The following WDR27 variants were observed in gnomAD, a reference collection of about 807,000 sequenced individuals.
WDR27 encodes the protein WD repeat-containing protein 27.
In WDR27, 100 loss-of-function variants were observed where a neutral mutation model predicts 114.4. That is an observed-to-expected ratio of 0.87 (90% CI 0.74 to 1.03). WDR27 has a LOEUF of 1.03. Among genes scored for constraint, WDR27 ranks in the 50% least tolerant of loss-of-function variants. WDR27 has a pLI of 0.00. For synonymous variants in WDR27, 449 were observed against 423.1 expected (o/e 1.06, Z -0.75); for missense variants, 1,129 against 1,092.9 (o/e 1.03, Z -0.47).
At chr6:169,657,531 C>T (rs373667825) in intron 13 of WDR27, among the ~76,000 whole-genome samples, 4 of 152,140 alleles carry the variant, frequency 2.6e-5, no homozygotes, top group South Asian at 4.1e-4. Context: ...AGGTGAAAGG[C>T]GGCTGCGGAA....
chr6:169,444,575 G>A, the WDR27 span, among the ~76,000 whole-genome samples: 1 of 152,074 alleles, frequency 6.6e-6, no homozygotes, highest in Non-Finnish European at 1.5e-5. Context: ...TCCTTTACAA[G>A]CAACATCTCC....
intron 13 of WDR27, among the ~76,000 whole-genome samples, chr6:169,655,866 C>G (rs562344522): frequency 6.6e-6 from 1 of 152,268 alleles, no homozygotes; most frequent in South Asian, 2.1e-4. Flanking sequence ...ACTACAGGCG[C>G]CCGCCAACCA....
Position 169,664,155 on chromosome 6 carries a change from G to C in WDR27, c.904+11C>G. 3 of 1,576,158 alleles carry C rather than the reference G, an allele frequency of 1.9e-6. No individual in the cohort carries two copies. The highest frequency in any genetic ancestry group is 4.5e-5 in the East Asian group (2 of 44,238). On this transcript the variant is annotated intron_variant, in intron 8 of 25. Transcript: ENST00000448612. ...AAGTGGGAGGCCTGAGGGAGGGTCTGAGCAACCCACCTGGCTGGCTGCACA... is the reference window on the plus strand; with the variant it reads ...AAGTGGGAGGCCTGAGGGAGGGTCTCAGCAACCCACCTGGCTGGCTGCACA...
chr6:169,470,500 A>C (rs1327767785), intron 25 of WDR27, among the ~76,000 whole-genome samples: 1 of 152,204 alleles, frequency 6.6e-6, no homozygotes, highest in Non-Finnish European at 1.5e-5. Context: ...TGAAAAATAG[A>C]AATTATCATT....
chr6:169,451,208 T>C, the WDR27 span, among the ~76,000 whole-genome samples: 1 of 152,200 alleles, frequency 6.6e-6, no homozygotes, highest in Non-Finnish European at 1.5e-5. Context: ...AAATTGTGCA[T>C]TCGGTGAAAG....
chr6:169,518,500 G>C (rs1793965573), intron 25 of WDR27, among the ~76,000 whole-genome samples: 1 of 152,236 alleles, frequency 6.6e-6, no homozygotes, highest in Admixed American at 6.5e-5. Context: ...AACTGTACCT[G>C]GGGTCCTTTG....
chr6:169,624,410 G>A (rs1814251085), intron 21 of WDR27, among the ~76,000 whole-genome samples: 1 of 152,184 alleles, frequency 6.6e-6, no homozygotes, highest in African/African-American at 2.4e-5. Flanking sequence ...TCACCAGAGT[G>A]CAGCCCCTCA....
chr6:169,517,121 T>C (rs1397046616), intron 25 of WDR27, among the ~76,000 whole-genome samples: 1 of 152,096 alleles, frequency 6.6e-6, no homozygotes, highest in Non-Finnish European at 1.5e-5. Flanking sequence ...ATGCTGTCTT[T>C]GCAATGGTGA....
At chr6:169,700,161 C>A (rs1406176351) in intron 1 of WDR27, among the ~76,000 whole-genome samples, 1 of 152,216 alleles carries the variant, frequency 6.6e-6, no homozygotes, top group African/African-American at 2.4e-5. Flanking sequence ...TCATATTTAA[C>A]CACTGCATTT....
chr6:169,590,471 G>C lies in WDR27; in HGVS notation c.2425-7537C>G, dbSNP rs147031202. Reference sequence around the variant, plus strand: ...ATTCTCAGAAGACCAAAACGTGCAAGATTTAAAACAAAGTCACACTAAGAC... The same window carrying C: ...ATTCTCAGAAGACCAAAACGTGCAACATTTAAAACAAAGTCACACTAAGAC... On this transcript the variant is annotated intron_variant, in intron 23 of 25. Coordinates refer to ENST00000448612, the MANE Select transcript of WDR27 (RefSeq NM_182552.5). Among the ~76,000 whole-genome samples the C allele has an allele frequency of 4.8e-3, 735 of 152,312 alleles. 8 individuals are homozygous for C. The highest frequency in any genetic ancestry group is 0.017 in the African/African-American group (689 of 41,580).
At chr6:169,647,641 A>G (rs543143801) in intron 16 of WDR27, 132 bp downstream of exon 16, 1 of 853,062 alleles carries the variant, frequency 1.2e-6, no homozygotes, top group Non-Finnish European at 1.9e-6. Context: ...AAACCATGCC[A>G]TGCAACTTCA....
intron 25 of WDR27, among the ~76,000 whole-genome samples, chr6:169,554,341 G>A (rs1456160221): frequency 1.3e-5 from 2 of 152,142 alleles, no homozygotes; most frequent in African/African-American, 2.4e-5. Context: ...GCAGGAAGAC[G>A]GGACCCATCA....
At chr6:169,570,757 A>T (rs1801269155) in intron 25 of WDR27, among the ~76,000 whole-genome samples, 1 of 152,180 alleles carries the variant, frequency 6.6e-6, no homozygotes, top group Admixed American at 6.5e-5. Context: ...TAAACCTGGG[A>T]GGCGGAGGTC....
At chr6:169,503,769 T>G (rs1048076879) in intron 25 of WDR27, among the ~76,000 whole-genome samples, 3 of 151,946 alleles carry the variant, frequency 2.0e-5, no homozygotes, top group African/African-American at 7.3e-5. Context: ...TTCTAGTCAT[T>G]AATACATCCT....
At chr6:169,666,365 A>T in intron 6 of WDR27, 1 of 982,662 alleles carries the variant, frequency 1.0e-6, no homozygotes, top group Non-Finnish European at 1.2e-6. Context: ...TAACTCTACC[A>T]GGTCACCAAA....
intron 4 of WDR27, among the ~76,000 whole-genome samples, chr6:169,668,980 A>G (rs1828642955): frequency 6.6e-6 from 1 of 152,172 alleles, no homozygotes; most frequent in Admixed American, 6.5e-5. Flanking sequence ...CAAGACTATA[A>G]CCTGTGTAGG....
At chr6:169,640,914 T>C (rs1818990515) in intron 17 of WDR27, among the ~76,000 whole-genome samples, 1 of 152,206 alleles carries the variant, frequency 6.6e-6, no homozygotes, top group Admixed American at 6.5e-5. Flanking sequence ...AGGATGTGTT[T>C]TCTACGTGAG....
intron 19 of WDR27, among the ~76,000 whole-genome samples, chr6:169,635,689 G>A (rs1417746922): frequency 6.6e-6 from 1 of 152,242 alleles, no homozygotes; most frequent in Non-Finnish European, 1.5e-5. Flanking sequence ...CAGATGCAGT[G>A]CCCATTCCGA....
intron 24 of WDR27, among the ~76,000 whole-genome samples, chr6:169,573,456 T>A (rs192889638): frequency 2.0e-5 from 3 of 152,090 alleles, no homozygotes; most frequent in South Asian, 2.1e-4. Flanking sequence ...CAAACTCGGA[T>A]CAAAAATACA....
Sources: allele counts gnomAD v4.1 joint callset (sites outside exome capture counted in the v4.1 genomes callset), GRCh38; gene constraint gnomAD v4.1.1; transcripts MANE v1.5; gene names NCBI Gene and HGNC (gene_info 2026-07-23, HGNC 2026-07-21).